Variants in BICC1 observed in about 807,000 individuals in gnomAD.
BICC1 encodes the protein protein bicaudal C homolog 1.
BICC1 carries 43 observed loss-of-function variants against 111.0 expected under a neutral mutation model. The ratio of observed to expected loss-of-function variants is 0.39; its 90% confidence interval spans 0.30 to 0.50. The LOEUF (loss-of-function observed/expected upper bound fraction) is 0.50. BICC1 is among the 20% of genes least tolerant of loss of function. BICC1 has a pLI of 0.88. For synonymous variants in BICC1, 467 were observed against 434.4 expected (o/e 1.07, Z -0.93); for missense variants, 1,091 against 1,203.2 (o/e 0.91, Z 1.38).
Position 58,514,893 on chromosome 10 carries a change from G to A in BICC1, c.190+1560G>A, listed in dbSNP as rs113104626. Among the ~76,000 whole-genome samples, 774 of 152,254 alleles carry A rather than the reference G, an allele frequency of 5.1e-3. 4 individuals are homozygous for A. Among genetic ancestry groups the A allele is most frequent in the African/African-American group, 0.018 (739 of 41,544 alleles). Reference sequence around the variant, plus strand: ...TATGTCAGGCATATATTGTGAGATCGTTTGGAATGAACTGATAGTAGCACA... The same window carrying A: ...TATGTCAGGCATATATTGTGAGATCATTTGGAATGAACTGATAGTAGCACA... On this transcript the variant is annotated intron_variant, in intron 1 of 20. Transcript: ENST00000373886.
At chr10:58,672,980 A>T (rs1839227510) in intron 2 of BICC1, among the ~76,000 whole-genome samples, 1 of 152,192 alleles carries the variant, frequency 6.6e-6, no homozygotes, top group Non-Finnish European at 1.5e-5. Context: ...TCACATGAAG[A>T]GGTCTGATAT....
intron 1 of BICC1, among the ~76,000 whole-genome samples, chr10:58,545,931 G>A (rs993135245): frequency 1.3e-5 from 2 of 152,158 alleles, no homozygotes; most frequent in Non-Finnish European, 2.9e-5. Flanking sequence ...TGCTCTGGAG[G>A]TTGGGAGGGA....
At chr10:58,626,934 G>A (rs560983220) in intron 2 of BICC1, among the ~76,000 whole-genome samples, 27 of 152,156 alleles carry the variant, frequency 1.8e-4, no homozygotes, top group East Asian at 7.7e-4. Context: ...GAGAAACCCC[G>A]TCTCTGATAA....
chr10:58,787,114 A>G, intron 5 of BICC1, 33 bp downstream of exon 5: 4 of 1,518,312 alleles, frequency 2.6e-6, no homozygotes, highest in Non-Finnish European at 3.5e-6. Flanking sequence ...CTTTTATGGG[A>G]TGAATTACAG....
intron 1 of BICC1, among the ~76,000 whole-genome samples, chr10:58,576,725 AC>A (rs1240817760): frequency 2.0e-5 from 3 of 152,212 alleles, no homozygotes; most frequent in African/African-American, 7.2e-5. Context: ...CAATACTGTT[AC>A]AAAAAAACCG....
intron 3 of BICC1, among the ~76,000 whole-genome samples, chr10:58,751,186 T>C (rs1182011844): frequency 2.0e-5 from 3 of 152,098 alleles, no homozygotes; most frequent in Non-Finnish European, 4.4e-5. Context: ...ATAAATAAGG[T>C]TGTTTTTCTT....
At chr10:58,531,517 A>G (rs953308963) in intron 1 of BICC1, among the ~76,000 whole-genome samples, 8 of 151,826 alleles carry the variant, frequency 5.3e-5, no homozygotes, top group Non-Finnish European at 1.2e-4. Flanking sequence ...ACAACAAAAT[A>G]TAAGGCACAC....
chr10:58,642,240 T>G (rs1838145026), intron 2 of BICC1, among the ~76,000 whole-genome samples: 1 of 152,156 alleles, frequency 6.6e-6, no homozygotes, highest in Non-Finnish European at 1.5e-5. Flanking sequence ...TCGGGGTGAA[T>G]GAAAATGAAC....
chr10:58,570,487 C>T (rs967515507), intron 1 of BICC1, among the ~76,000 whole-genome samples: 1 of 152,106 alleles, frequency 6.6e-6, no homozygotes, highest in African/African-American at 2.4e-5. Flanking sequence ...GCAGGAGCAG[C>T]CAAGATGACT....
intron 3 of BICC1, chr10:58,715,722 G>A: frequency 5.1e-6 from 8 of 1,571,660 alleles, no homozygotes; most frequent in Non-Finnish European, 7.0e-6. Flanking sequence ...AGGTTCCAAG[G>A]CTTTGGCTGA....
chr10:58,670,628 G>A (rs1244104681), intron 2 of BICC1, among the ~76,000 whole-genome samples: 4 of 152,182 alleles, frequency 2.6e-5, no homozygotes, highest in Non-Finnish European at 5.9e-5. Flanking sequence ...GAATGGCAGT[G>A]CCATTTACTG....
chr10:58,744,599 G>T lies in BICC1; in HGVS notation c.308-40402G>T, dbSNP rs1213615380. 2.0e-5 allele frequency among the ~76,000 whole-genome samples: 3 copies of T among 151,880 alleles called. 1 individual carries two copies. The highest frequency in any genetic ancestry group is 7.3e-5 in the African/African-American group (3 of 41,370). ...AAGTGACAATTATTCTTTATTTGTTGTTTAATATTTTATTTTATTAGCCAT... is the reference window on the plus strand; with the variant it reads ...AAGTGACAATTATTCTTTATTTGTTTTTTAATATTTTATTTTATTAGCCAT... On this transcript the variant is annotated intron_variant, in intron 3 of 20. Coordinates refer to ENST00000373886, the MANE Select transcript of BICC1 (RefSeq NM_001080512.3).
chr10:58,671,955 C>G (rs1564544628), intron 2 of BICC1, among the ~76,000 whole-genome samples: 1 of 152,184 alleles, frequency 6.6e-6, no homozygotes, highest in South Asian at 2.1e-4. Context: ...TTTCATTTGT[C>G]GTCTATGACT....
At chr10:58,778,783 C>T (rs1444616142) in intron 3 of BICC1, among the ~76,000 whole-genome samples, 1 of 152,206 alleles carries the variant, frequency 6.6e-6, no homozygotes, top group South Asian at 2.1e-4. Context: ...GTTATGGCTG[C>T]CCACTAACGT....
intron 17 of BICC1, among the ~76,000 whole-genome samples, chr10:58,809,748 A>G (rs12265352): frequency 0.018 from 2,795 of 152,360 alleles, 78 homozygotes; most frequent in African/African-American, 0.063. Flanking sequence ...TTAAGGTAAT[A>G]GTAGTAATTA....
intron 2 of BICC1, among the ~76,000 whole-genome samples, chr10:58,640,832 T>C (rs1162146980): frequency 6.6e-6 from 1 of 152,204 alleles, no homozygotes; most frequent in African/African-American, 2.4e-5. Flanking sequence ...ACCTATTACA[T>C]GGTGAACACA....
At chr10:58,822,107 A>G (rs113900365) in intron 20 of BICC1, among the ~76,000 whole-genome samples, 1,554 of 152,258 alleles carry the variant, frequency 0.01, 32 homozygotes, top group African/African-American at 0.036. Context: ...TTAATTTGCA[A>G]ATGAAATTTA....
chr10:58,754,200 CT>C (rs1263903945), intron 3 of BICC1, among the ~76,000 whole-genome samples: 3 of 152,110 alleles, frequency 2.0e-5, no homozygotes, highest in Non-Finnish European at 4.4e-5. Context: ...AAACATAGCT[CT>C]GTATAATGTT....
chr10:58,579,590 C>T (rs1410378784), intron 1 of BICC1, among the ~76,000 whole-genome samples: 1 of 152,176 alleles, frequency 6.6e-6, no homozygotes, highest in African/African-American at 2.4e-5. Context: ...TTGGGGCTCT[C>T]CCTGGATGTC....
Sources: gnomAD v4.1 joint callset for allele counts (sites outside exome capture counted in the v4.1 genomes callset) on GRCh38, gnomAD v4.1.1 for gene constraint, MANE v1.5 for transcripts, NCBI Gene and HGNC (gene_info 2026-07-23, HGNC 2026-07-21) for gene names.